GDE1: variants seen among roughly 807,000 people sequenced by gnomAD.
GDE1 encodes glycerophosphodiester phosphodiesterase 1, also known as RGS16-interacting membrane protein.
Under a neutral mutation model 32.2 loss-of-function variants are expected in GDE1, and 24 were observed. The ratio of observed to expected loss-of-function variants is 0.75; its 90% CI spans 0.54 to 1.05. GDE1 has a LOEUF of 1.05. GDE1 is among the 50% of genes least tolerant of loss of function. The pLI, the probability that GDE1 is intolerant of heterozygous loss-of-function variation, is 0.00. For synonymous variants in GDE1, 159 were observed against 158.6 expected (o/e 1.00, Z -0.02); for missense variants, 380 against 415.0 (o/e 0.92, Z 0.73).
In GDE1 at chr16:19,504,925, C is replaced by T. The variant is rs1233057804; in HGVS notation, c.804G>A (p.Leu268=). 6.2e-7 allele frequency: 1 copy of T among 1,613,504 alleles called. No homozygotes were observed. Among genetic ancestry groups the T allele is most frequent in the African/African-American group, 1.3e-5 (1 of 75,018 alleles). ...DWSMHNILWY[L]CGISAFLMQK... ...GCATGAGGAAAGCTGAAATTCCACA[C>T]AGGTACCACAAGATATTATGCATGC... Residue 268 remains leucine, a synonymous_variant, in exon 5 of 6, where the codon CTG becomes CTA. Coordinates refer to ENST00000353258, the MANE Select transcript of GDE1 (RefSeq NM_016641.4).
In GDE1 at chr16:19,502,374, CTTTTTTTTTTTTTTTTTT is replaced by C. The variant is rs59519757; in HGVS notation, c.*1078_*1095del. ...AAGATGTTCTAGAAGTTCTAGTTAT[CTTTTTTTTTTTTTTTTTT>C]TTTTTTTTTTTAAGAGTCAGGTTCT... On this transcript the variant is annotated 3_prime_UTR_variant, in exon 6 of 6. Transcript: ENST00000353258. The C allele has an allele frequency of 3.6e-5, 3 of 82,192 alleles. No homozygotes were observed. 5.1% of individuals were successfully genotyped at this position (82,192 alleles called of 1,614,324 possible).
intron 1 of GDE1, among the ~76,000 whole-genome samples, chr16:19,519,570 TTGCTTTATTGA>T (rs1969423965): frequency 1.3e-5 from 2 of 152,126 alleles, no homozygotes; most frequent in Non-Finnish European, 2.9e-5. Flanking sequence ...ATTACTATAT[TTGCTTTATTGA>T]CTATTTACTC....
At position 19,521,723 on chromosome 16, in the gene GDE1, G is replaced by A; in HGVS notation, c.242C>T (p.Thr81Met). 6.2e-7 allele frequency: 1 copy of A among 1,612,164 alleles called. No individual in the cohort carries two copies. The highest frequency in any genetic ancestry group is 1.7e-4 in the Middle Eastern group (1 of 6,046). The part of the protein sequence containing the change: ...RGGSHDAPEN[T>M]LAAIRQAAKN... ...TCTCACCTGCCGAATGGCCGCCAGC[G>A]TGTTCTCGGGCGCGTCGTGGCTGCC... The change falls in exon 1 of 6, where the codon ACG becomes ATG. Residue 81 changes from threonine to methionine, a missense_variant. By Grantham distance (81) the Thr-to-Met change is moderately conservative. Transcript: ENST00000353258.
At chr16:19,515,927 T>C (rs75125530) in intron 2 of GDE1, among the ~76,000 whole-genome samples, 1 of 152,238 alleles carries the variant, frequency 6.6e-6, no homozygotes, top group East Asian at 1.9e-4. Context: ...CATTCCAAAG[T>C]ACAGTATATT....
At chr16:19,517,536 C>T (rs761046598) in intron 1 of GDE1, among the ~76,000 whole-genome samples, 23 of 152,220 alleles carry the variant, frequency 1.5e-4, no homozygotes, top group Non-Finnish European at 2.9e-4. Flanking sequence ...TTTACCTACA[C>T]TATTTGTTGG....
At position 19,521,811 on chromosome 16, in the gene GDE1, A is replaced by T; in HGVS notation, c.154T>A (p.Ser52Thr). The T allele has an allele frequency of 6.2e-7, 1 of 1,611,522 alleles. No individual in the cohort carries two copies. Among genetic ancestry groups the T allele is most frequent in the East Asian group, 2.2e-5 (1 of 44,784 alleles). The change falls in exon 1 of 6, where the codon TCT (serine) becomes ACT (threonine). Residue 52 changes from serine (S) to threonine (T), a missense_variant. Ser to Thr is a moderately conservative substitution (Grantham distance 58). Transcript: ENST00000353258. ...TTGAGCACCTGCAGGGCCCTGCAAG[A>T]GGGCACCGGCTCAAAGCTGAAGACG... ...LRVFSFEPVP[S>T]CRALQVLKPR...
intron 1 of GDE1, among the ~76,000 whole-genome samples, chr16:19,520,615 C>T (rs1277711514): frequency 2.0e-5 from 3 of 151,592 alleles, no homozygotes; most frequent in African/African-American, 7.3e-5. Context: ...ATCCCAGCTA[C>T]TCCGGAGGCT....
chr16:19,521,585 C>A (rs1024999956), intron 1 of GDE1, 119 bp downstream of exon 1: 51 of 1,138,976 alleles, frequency 4.5e-5, no homozygotes, highest in Non-Finnish European at 6.1e-5. Flanking sequence ...CGGGAGTGTG[C>A]CTTGTGGACG....
chr16:19,504,139 A>C (rs1218622372), intron 5 of GDE1: 3 of 153,656 alleles, frequency 2.0e-5, no homozygotes, highest in African/African-American at 7.2e-5. Context: ...AACCCAGACC[A>C]GATTAGATTA....
At chr16:19,515,855 C>T (rs1196406234) in intron 2 of GDE1, among the ~76,000 whole-genome samples, 1 of 151,980 alleles carries the variant, frequency 6.6e-6, no homozygotes, top group African/African-American at 2.4e-5. Flanking sequence ...ACATGAATAA[C>T]CAGTGAGCAC....
Position 19,521,717 on chromosome 16 carries a change from G to A in GDE1, c.248C>T (p.Ala83Val), listed in dbSNP as rs1314888046. The A allele has an allele frequency of 1.2e-6, 2 of 1,611,876 alleles. No homozygotes were observed. The highest frequency in any genetic ancestry group is 1.1e-5 in the South Asian group (1 of 90,748). Reference sequence around the variant, plus strand: ...TGGGGGTCTCACCTGCCGAATGGCCGCCAGCGTGTTCTCGGGCGCGTCGTG... The same window carrying A: ...TGGGGGTCTCACCTGCCGAATGGCCACCAGCGTGTTCTCGGGCGCGTCGTG... ...GSHDAPENTL[A>V]AIRQAAKNGA... The change falls in exon 1 of 6, where the codon GCG (alanine) becomes GTG (valine). Residue 83 changes from alanine to valine, a missense_variant. By Grantham distance (64) the Ala-to-Val change is moderately conservative. Coordinates refer to ENST00000353258, the MANE Select transcript of GDE1 (RefSeq NM_016641.4).
intron 4 of GDE1, among the ~76,000 whole-genome samples, chr16:19,506,448 G>C (rs550116712): frequency 5.3e-5 from 8 of 152,164 alleles, no homozygotes; most frequent in Admixed American, 2.0e-4. Context: ...TCAGGAGCTC[G>C]AGACCAGCCT....
intron 2 of GDE1, among the ~76,000 whole-genome samples, chr16:19,516,278 G>C (rs1342021719): frequency 1.3e-5 from 2 of 152,110 alleles, no homozygotes; most frequent in Non-Finnish European, 2.9e-5. Flanking sequence ...CTAAAACTTG[G>C]GATAGATTCT....
chr16:19,516,869 C>T (rs1188607572), intron 2 of GDE1, 145 bp downstream of exon 2: 1 of 607,226 alleles, frequency 1.6e-6, no homozygotes, highest in Non-Finnish European at 2.8e-6. Context: ...TTGTTCCTGG[C>T]ACTTGCTCAT....
chr16:19,518,746 T>A (rs1969412562), intron 1 of GDE1, among the ~76,000 whole-genome samples: 1 of 152,248 alleles, frequency 6.6e-6, no homozygotes, highest in African/African-American at 2.4e-5. Context: ...CATTGTTATT[T>A]ATTATGTCCT....
rs574197701 is a variant in GDE1 at position 19,503,409 on chromosome 16, T to C, written c.*61A>G. 6.8e-7 allele frequency: 1 copy of C among 1,465,688 alleles called. No individual in the cohort carries two copies. The highest frequency in any genetic ancestry group is 1.2e-5 in the South Asian group (1 of 85,576). The allele number at this position is 1,465,688 out of a possible 1,614,324, so 90.8% of individuals were successfully genotyped here. A position where few individuals can be genotyped will look rare whatever the true frequency, so the allele number is the denominator to read the frequency against. On this transcript the variant is annotated 3_prime_UTR_variant, in exon 6 of 6. Coordinates refer to ENST00000353258, the MANE Select transcript of GDE1 (RefSeq NM_016641.4). ...GGCCTGGGCTAGCACAAAGGGTATT[T>C]TGATATCCCTGTATGAGGCCCCTGG...
intron 3 of GDE1, among the ~76,000 whole-genome samples, chr16:19,509,523 C>T (rs749766552): frequency 1.3e-4 from 20 of 152,146 alleles, no homozygotes; most frequent in Non-Finnish European, 2.4e-4. Context: ...GATTCTAACG[C>T]AGACCAATTG....
At chr16:19,503,667 AGGAATCCATAAT>A (rs1461689753) in intron 5 of GDE1, 50 bp from the exon 6 acceptor site, 1 of 1,516,526 alleles carries the variant, frequency 6.6e-7, no homozygotes, top group East Asian at 2.2e-5. Context: ...CAGCTGTCTC[AGGAATCCATAAT>A]GGCCACTAAG....
chr16:19,522,004 G>A lies in GDE1; in HGVS notation c.-40C>T, dbSNP rs1208998564. On this transcript the variant is annotated 5_prime_UTR_variant, in exon 1 of 6. Transcript: ENST00000353258. ...CGGCACGGACGGGAGTCCCGGACCCGCCGGGCTCCTGGGGCAGTAGAACGA... is the reference window on the plus strand; with the variant it reads ...CGGCACGGACGGGAGTCCCGGACCCACCGGGCTCCTGGGGCAGTAGAACGA... 6.6e-7 allele frequency: 1 copy of A among 1,507,298 alleles called. No individual in the cohort carries two copies. Among genetic ancestry groups the A allele is most frequent in the Non-Finnish European group, 8.9e-7 (1 of 1,124,592 alleles). 93.4% of individuals were successfully genotyped at this position (1,507,298 alleles called of 1,614,324 possible). A position where few individuals can be genotyped will look rare whatever the true frequency, so the allele number is the denominator to read the frequency against.
Sources: gnomAD v4.1 joint callset for allele counts (sites outside exome capture counted in the v4.1 genomes callset) on GRCh38, gnomAD v4.1.1 for gene constraint, MANE v1.5 for transcripts, NCBI Gene and HGNC (gene_info 2026-07-23, HGNC 2026-07-21) for gene names.